The following PDE4B variants were observed in gnomAD, a reference collection of about 807,000 sequenced individuals.
PDE4B encodes the protein phosphodiesterase 4B, also known as 3',5'-cyclic-AMP phosphodiesterase 4B.
A neutral mutation model predicts 82.2 loss-of-function variants in PDE4B; 20 were observed. The ratio of observed to expected loss-of-function variants is 0.24; its 90% confidence interval spans 0.17 to 0.35. PDE4B has a LOEUF of 0.35. PDE4B is among the 10% of genes least tolerant of loss of function. The probability of loss-of-function intolerance (pLI) is 1.00; values close to 1 mark genes in which losing one functional copy is unlikely to be tolerated. For synonymous variants in PDE4B, 320 were observed against 318.9 expected, an observed-to-expected ratio of 1.00 and a Z score of -0.04; for missense variants, 655 against 907.2, an observed-to-expected ratio of 0.72 and a Z score of 3.57.
chr1:66,001,755 C>T (rs1180726193), intron 3 of PDE4B, among the ~76,000 whole-genome samples: 1 of 152,060 alleles, frequency 6.6e-6, no homozygotes, highest in African/African-American at 2.4e-5. Context: ...TGGAATCTTG[C>T]TCTGTCACCC....
At chr1:65,988,843 G>A (rs187018187) in intron 3 of PDE4B, among the ~76,000 whole-genome samples, 77 of 152,032 alleles carry the variant, frequency 5.1e-4, no homozygotes, top group Non-Finnish European at 9.7e-4. Flanking sequence ...GTAGTTACTC[G>A]TAGAAAATTT....
At chr1:66,283,433 G>T (rs897316175) in intron 7 of PDE4B, among the ~76,000 whole-genome samples, 5 of 151,980 alleles carry the variant, frequency 3.3e-5, no homozygotes, top group African/African-American at 1.2e-4. Flanking sequence ...TTAGAAGGTT[G>T]CAACTGGGTC....
At chr1:65,881,985 A>G (rs1646714074) in intron 1 of PDE4B, among the ~76,000 whole-genome samples, 2 of 152,222 alleles carry the variant, frequency 1.3e-5, no homozygotes, top group Non-Finnish European at 2.9e-5. Flanking sequence ...TAAAAGGAAG[A>G]GCAAATCTAC....
intron 13 of PDE4B, 26 bp from the exon 14 acceptor site, chr1:66,367,670 A>C: frequency 6.4e-7 from 1 of 1,571,744 alleles, no homozygotes; most frequent in Non-Finnish European, 8.7e-7. Flanking sequence ...TTTTTAATTA[A>C]GTCATCATTT....
At chr1:66,157,158 C>T (rs1570361547) in intron 3 of PDE4B, among the ~76,000 whole-genome samples, 3 of 152,246 alleles carry the variant, frequency 2.0e-5, no homozygotes, top group South Asian at 4.1e-4. Context: ...GCACAGATGC[C>T]GCCCTAGCTG....
intron 3 of PDE4B, among the ~76,000 whole-genome samples, chr1:66,064,762 G>A (rs1407234396): frequency 6.6e-6 from 1 of 151,834 alleles, no homozygotes; most frequent in Non-Finnish European, 1.5e-5. Context: ...TATATCTTAT[G>A]TTTTAACTTG....
In PDE4B at chr1:66,361,793, G is replaced by T. The variant is rs143554413; in HGVS notation, c.1020G>T (p.Lys340Asn). Reference protein sequence around the residue: ...VNTENEDHLAKELEDLNKWGL... With the variant: ...VNTENEDHLANELEDLNKWGL... ...CTGAAAATGAAGATCACCTGGCCAA[G>T]GTGTGTATAAGCTCAGGTTTTGTGC... Residue 340 changes from lysine (K) to asparagine (N), a missense_variant and splice_region_variant, in exon 10 of 17, where the codon AAG becomes AAT. Physicochemically the swap from Lys to Asn is moderately conservative, Grantham distance 94. This residue lies in a region of PDE4B where 283 missense variants were observed against 516.4 expected (regional missense o/e 0.55). Transcript: ENST00000341517. The T allele has an allele frequency of 1.2e-6, 2 of 1,610,012 alleles. No individual in the cohort carries two copies.
At chr1:66,248,003 G>A (rs1038955601) in intron 4 of PDE4B, among the ~76,000 whole-genome samples, 12 of 152,184 alleles carry the variant, frequency 7.9e-5, no homozygotes, top group East Asian at 3.9e-4. Flanking sequence ...TTTCAGCTGT[G>A]TGTGCAGTTT....
intron 1 of PDE4B, among the ~76,000 whole-genome samples, chr1:65,841,330 A>AGAGAAAGAAAGAAAAGG (rs1257644066): frequency 2.0e-5 from 3 of 151,838 alleles, no homozygotes; most frequent in Non-Finnish European, 4.4e-5. Context: ...AAAGAGAGAG[A>AGAGAAAGAAAGAAAAGG]GAGAAAGAAA....
chr1:66,161,027 C>T (rs1308609130), intron 3 of PDE4B, among the ~76,000 whole-genome samples: 1 of 148,870 alleles, frequency 6.7e-6, no homozygotes, highest in Non-Finnish European at 1.5e-5. Flanking sequence ...TACCCAGAAA[C>T]AACCAGTCTT....
At chr1:66,129,473 C>T (rs967858794) in intron 3 of PDE4B, among the ~76,000 whole-genome samples, 6 of 150,842 alleles carry the variant, frequency 4.0e-5, no homozygotes, top group Non-Finnish European at 8.9e-5. Flanking sequence ...CCGGCTAAAA[C>T]GGTGAAACCC....
chr1:66,231,762 G>A (rs1308488603), intron 3 of PDE4B, among the ~76,000 whole-genome samples: 1 of 152,174 alleles, frequency 6.6e-6, no homozygotes, highest in Non-Finnish European at 1.5e-5. Flanking sequence ...TGGTTAAAAA[G>A]TAAAGACTTC....
At chr1:66,098,623 A>C (rs1469731186) in intron 3 of PDE4B, among the ~76,000 whole-genome samples, 1 of 152,124 alleles carries the variant, frequency 6.6e-6, no homozygotes, top group Non-Finnish European at 1.5e-5. Context: ...GTTAGTTTTA[A>C]ATTTTTGCTC....
At chr1:66,134,188 T>C (rs1646009074) in intron 3 of PDE4B, among the ~76,000 whole-genome samples, 1 of 152,188 alleles carries the variant, frequency 6.6e-6, no homozygotes, top group Non-Finnish European at 1.5e-5. Context: ...AGGGAAAACA[T>C]ACTCTGATTC....
chr1:65,874,452 A>G (rs4562592), intron 1 of PDE4B, among the ~76,000 whole-genome samples: 27,442 of 152,064 alleles, frequency 0.18, 2,921 homozygotes, highest in South Asian at 0.38. Context: ...TTCCAACACT[A>G]TGTTGAATAG....
chr1:66,057,429 A>G (rs1396115287), intron 3 of PDE4B, among the ~76,000 whole-genome samples: 1 of 152,218 alleles, frequency 6.6e-6, no homozygotes, highest in African/African-American at 2.4e-5. Context: ...TTCCAACAGT[A>G]TGAAGACATA....
At chr1:66,359,429 T>C (rs1662572737) in intron 9 of PDE4B, among the ~76,000 whole-genome samples, 1 of 151,984 alleles carries the variant, frequency 6.6e-6, no homozygotes, top group African/African-American at 2.4e-5. Context: ...ATTTCCACAC[T>C]GTGCTGGCTA....
At chr1:66,370,548 G>A (rs917097730) in intron 16 of PDE4B, among the ~76,000 whole-genome samples, 4 of 152,112 alleles carry the variant, frequency 2.6e-5, no homozygotes, top group East Asian at 3.8e-4. Flanking sequence ...CCATGACATC[G>A]TTATCCACTC....
Position 66,066,061 on chromosome 1 carries a change from G to A in PDE4B, c.281+147226G>A, listed in dbSNP as rs181828003. 2.7e-3 allele frequency among the ~76,000 whole-genome samples: 408 copies of A among 151,576 alleles called. 1 individual carries two copies. The highest frequency in any genetic ancestry group is 4.7e-3 in the Non-Finnish European group (321 of 67,728). ...TGGCTCATTCAGTCTTCTTTTGGGT[G>A]CTTTTGTTCTTCCTTCTAGTAACAA... On this transcript the variant is annotated intron_variant, in intron 3 of 16. Transcript: ENST00000341517.
Sources: allele counts gnomAD v4.1 joint callset (sites outside exome capture counted in the v4.1 genomes callset), GRCh38; gene constraint gnomAD v4.1.1; regional missense constraint gnomAD v4.1.1; transcripts MANE v1.5; gene names NCBI Gene and HGNC (gene_info 2026-07-23, HGNC 2026-07-21).